The following FAF1 variants were observed in gnomAD, a reference collection of about 807,000 sequenced individuals.
The protein encoded by FAF1 is Fas associated factor 1.
FAF1 carries 25 observed loss-of-function variants against 92.5 expected under a neutral mutation model. That is an observed-to-expected ratio of 0.27 (90% CI 0.20 to 0.38). The LOEUF (loss-of-function observed/expected upper bound fraction) is 0.38, where lower values mean the gene tolerates loss of function less well. FAF1 is among the 10% of genes least tolerant of loss of function. FAF1 has a pLI of 1.00. For synonymous variants in FAF1, 234 were observed against 273.2 expected (o/e 0.86, Z 1.42); for missense variants, 636 against 793.3 (o/e 0.80, Z 2.38).
rs116703300 is a variant in FAF1 at position 50,628,347 on chromosome 1, T to C, written c.744+27095A>G. Among the ~76,000 whole-genome samples the C allele has an allele frequency of 1.9e-3, 293 of 152,328 alleles. 1 individual carries two copies. The highest frequency in any genetic ancestry group is 6.9e-3 in the African/African-American group (286 of 41,588). On this transcript the variant is annotated intron_variant, in intron 8 of 18. Coordinates refer to ENST00000396153, the MANE Select transcript of FAF1 (RefSeq NM_007051.3). Reference sequence around the variant, plus strand: ...GTCCCCATATTCATTGCTCTTTTTCTACACACAGCTATCTGATTTGAAACT... The same window carrying C: ...GTCCCCATATTCATTGCTCTTTTTCCACACACAGCTATCTGATTTGAAACT...
At chr1:50,798,442 T>A (rs952001385) in intron 3 of FAF1, among the ~76,000 whole-genome samples, 1 of 152,206 alleles carries the variant, frequency 6.6e-6, no homozygotes, top group Non-Finnish European at 1.5e-5. Flanking sequence ...TACAAGTAAT[T>A]CACTAACATT....
chr1:50,601,714 C>T (rs923706066), intron 8 of FAF1, among the ~76,000 whole-genome samples: 4 of 147,778 alleles, frequency 2.7e-5, no homozygotes, highest in African/African-American at 1.0e-4. Context: ...TATACACACA[C>T]ACACTATATA....
chr1:50,502,949 G>A (rs143692642), intron 15 of FAF1, among the ~76,000 whole-genome samples: 31 of 151,976 alleles, frequency 2.0e-4, no homozygotes, highest in Admixed American at 2.0e-3. Context: ...CTCAGCCTCT[G>A]AGGAGCTTGG....
chr1:50,823,452 A>G (rs1178099956), intron 2 of FAF1, among the ~76,000 whole-genome samples: 1 of 152,188 alleles, frequency 6.6e-6, no homozygotes, highest in Non-Finnish European at 1.5e-5. Flanking sequence ...AGAATACAGC[A>G]AGTGTCTATA....
chr1:50,500,196 C>A (rs1248002679), intron 15 of FAF1, among the ~76,000 whole-genome samples: 2 of 151,574 alleles, frequency 1.3e-5, no homozygotes, highest in East Asian at 1.9e-4. Context: ...CCTACAATAG[C>A]CAAAAGAATT....
chr1:50,886,586 T>C (rs907566850), intron 1 of FAF1, among the ~76,000 whole-genome samples: 2 of 151,476 alleles, frequency 1.3e-5, no homozygotes, highest in Admixed American at 1.3e-4. Context: ...GGTCCATGTG[T>C]TCTCATTGAT....
chr1:50,785,003 C>T (rs1661308191), intron 4 of FAF1, among the ~76,000 whole-genome samples: 1 of 151,822 alleles, frequency 6.6e-6, no homozygotes, highest in Non-Finnish European at 1.5e-5. Context: ...ACCTCATAAC[C>T]TCATAACATA....
chr1:50,918,169 A>T (rs1192035022), intron 1 of FAF1, among the ~76,000 whole-genome samples: 1 of 151,074 alleles, frequency 6.6e-6, no homozygotes, highest in Non-Finnish European at 1.5e-5. Flanking sequence ...ACTGAATGTA[A>T]ATTTCTTTTT....
chr1:50,919,519 G>A (rs1363140828), intron 1 of FAF1, among the ~76,000 whole-genome samples: 2 of 149,500 alleles, frequency 1.3e-5, no homozygotes, highest in Admixed American at 6.7e-5. Context: ...ACAGAGTCTC[G>A]CTCTGTTGTC....
chr1:50,536,818 G>A (rs1482126942), intron 14 of FAF1, among the ~76,000 whole-genome samples: 1 of 152,182 alleles, frequency 6.6e-6, no homozygotes, highest in Non-Finnish European at 1.5e-5. Flanking sequence ...TAAATGGACT[G>A]TAGCTCTCTA....
At chr1:50,693,962 A>C (rs143436728) in intron 7 of FAF1, among the ~76,000 whole-genome samples, 1 of 142,342 alleles carries the variant, frequency 7.0e-6, no homozygotes, top group Non-Finnish European at 1.5e-5. Context: ...CTGATATTTC[A>C]AATTTCAAGC....
intron 1 of FAF1, among the ~76,000 whole-genome samples, chr1:50,921,751 A>G (rs1644964733): frequency 6.6e-6 from 1 of 152,136 alleles, no homozygotes; most frequent in South Asian, 2.1e-4. Context: ...ACTGCACTCC[A>G]GCCTGGGAAA....
At chr1:50,826,638 C>T (rs1644100865) in intron 2 of FAF1, among the ~76,000 whole-genome samples, 1 of 151,604 alleles carries the variant, frequency 6.6e-6, no homozygotes, top group East Asian at 1.9e-4. Context: ...AGTGGATCCA[C>T]ATGTTCAGTA....
intron 8 of FAF1, among the ~76,000 whole-genome samples, chr1:50,597,314 GTCTT>G (rs1468584496): frequency 6.6e-6 from 1 of 152,024 alleles, no homozygotes; most frequent in Non-Finnish European, 1.5e-5. Flanking sequence ...ATATTCTGGG[GTCTT>G]TCTAAGTTAG....
At chr1:50,502,115 A>C (rs952736418) in intron 15 of FAF1, among the ~76,000 whole-genome samples, 1 of 152,218 alleles carries the variant, frequency 6.6e-6, no homozygotes, top group Non-Finnish European at 1.5e-5. Context: ...AAATAGGCAT[A>C]ATAAGCCCTT....
At chr1:50,566,147 T>G (rs1260952975) in intron 13 of FAF1, among the ~76,000 whole-genome samples, 1 of 152,104 alleles carries the variant, frequency 6.6e-6, no homozygotes, top group Non-Finnish European at 1.5e-5. Context: ...CAACATTATT[T>G]TGCCTCACAT....
intron 1 of FAF1, among the ~76,000 whole-genome samples, chr1:50,958,967 C>G (rs902760286): frequency 6.6e-6 from 1 of 152,224 alleles, no homozygotes; most frequent in Admixed American, 6.5e-5. Context: ...CCAAGTCTTT[C>G]ACAATGCATA....
At chr1:50,704,965 T>G (rs1318184469) in intron 7 of FAF1, among the ~76,000 whole-genome samples, 1 of 152,230 alleles carries the variant, frequency 6.6e-6, no homozygotes, top group Non-Finnish European at 1.5e-5. Context: ...AGAAATGTAG[T>G]CTAAGAAAAA....
At chr1:50,875,818 CT>C (rs1389460797) in intron 1 of FAF1, among the ~76,000 whole-genome samples, 7 of 152,156 alleles carry the variant, frequency 4.6e-5, no homozygotes, top group Non-Finnish European at 5.9e-5. Context: ...ACTTACCCCC[CT>C]AACTGAAATT....
Sources: allele counts gnomAD v4.1 joint callset (sites outside exome capture counted in the v4.1 genomes callset), GRCh38; gene constraint gnomAD v4.1.1; transcripts MANE v1.5; gene names NCBI Gene and HGNC (gene_info 2026-07-23, HGNC 2026-07-21).